PAH: variants seen among roughly 807,000 people sequenced by gnomAD.
The protein encoded by PAH is phenylalanine-4-hydroxylase.
A neutral mutation model predicts 62.0 loss-of-function variants in PAH; 64 were observed. The observed-to-expected ratio is 1.03, with a 90% confidence interval of 0.84 to 1.27. PAH has a LOEUF of 1.27. Ranked by LOEUF, PAH falls within the 50% of genes most tolerant of loss-of-function variation. The pLI is 0.00. For synonymous variants in PAH, 195 were observed against 196.2 expected, an observed-to-expected ratio of 0.99 and a Z score of 0.05; for missense variants, 579 against 542.8, an observed-to-expected ratio of 1.07 and a Z score of -0.66.
intron 1 of PAH, among the ~76,000 whole-genome samples, chr12:102,932,589 A>G (rs1205750490): frequency 6.6e-6 from 1 of 152,188 alleles, no homozygotes; most frequent in Non-Finnish European, 1.5e-5. Flanking sequence ...TGTATTACAT[A>G]TACATATATC....
Position 102,852,742 on chromosome 12 carries a change from A to G in PAH, c.842+73T>C. On this transcript the variant is annotated intron_variant, in intron 7 of 12. Coordinates refer to ENST00000553106, the MANE Select transcript of PAH (RefSeq NM_000277.3). ...TGTGGACCAGCCAGCAATGAACCCA[A>G]ACCTCATTCTTGCAGCAGGAAAAGA... is the stretch of plus-strand genomic sequence containing the variant. The G allele has an allele frequency of 1.9e-6, 3 of 1,594,846 alleles. No homozygotes were observed. The South Asian group carries it at 3.3e-5, about 18-fold the overall frequency.
At chr12:102,888,206 G>T (rs1017761411) in intron 3 of PAH, among the ~76,000 whole-genome samples, 1 of 151,984 alleles carries the variant, frequency 6.6e-6, no homozygotes, top group African/African-American at 2.4e-5. Context: ...CAACCACACT[G>T]GTACCTGGAT....
intron 3 of PAH, among the ~76,000 whole-genome samples, chr12:102,882,356 T>C (rs899165872): frequency 6.6e-6 from 1 of 152,168 alleles, no homozygotes; most frequent in Non-Finnish European, 1.5e-5. Flanking sequence ...GTTTGAATCT[T>C]ATCTCTGCAT....
intron 3 of PAH, among the ~76,000 whole-genome samples, chr12:102,884,040 C>T (rs1222673056): frequency 6.6e-6 from 1 of 152,206 alleles, no homozygotes; most frequent in Non-Finnish European, 1.5e-5. Flanking sequence ...TATAGAAGGA[C>T]AAGTGAGAAA....
Position 102,866,543 on chromosome 12 carries a change from C to A in PAH, c.509+53G>T, listed in dbSNP as rs369727572. On this transcript the variant is annotated intron_variant, in intron 5 of 12. Coordinates refer to ENST00000553106, the MANE Select transcript of PAH (RefSeq NM_000277.3). ...CAACTGGATGAGGGCAAGGGAGAAG[C>A]AGGCTAGGGGTGTGTTTTTCTCTCT... is the stretch of plus-strand genomic sequence containing the variant. 4.9e-4 allele frequency: 673 copies of A among 1,365,892 alleles called. 1 individual carries two copies. The South Asian group carries it at 5.8e-3, about 12-fold the overall frequency. 84.6% of individuals were successfully genotyped at this position (1,365,892 alleles called of 1,614,324 possible).
chr12:102,899,679 G>A (rs1051157512), intron 2 of PAH, among the ~76,000 whole-genome samples: 40 of 150,512 alleles, frequency 2.7e-4, no homozygotes, highest in African/African-American at 9.3e-4. Flanking sequence ...CTAAAACGGT[G>A]AAACCCCGTC....
chr12:102,840,646 C>T, intron 11 of PAH, 131 bp from the exon 12 acceptor site: 1 of 720,732 alleles, frequency 1.4e-6, no homozygotes, highest in Admixed American at 2.0e-5. Flanking sequence ...CTTCAACAGC[C>T]AGGGCTGAGG....
intron 3 of PAH, among the ~76,000 whole-genome samples, chr12:102,883,710 C>T (rs1876915304): frequency 6.6e-6 from 1 of 152,142 alleles, no homozygotes; most frequent in African/African-American, 2.4e-5. Context: ...CACCTGAGTC[C>T]AGGGGCCTTT....
chr12:102,892,542 T>C (rs934943517), intron 3 of PAH, among the ~76,000 whole-genome samples: 1 of 152,214 alleles, frequency 6.6e-6, no homozygotes, highest in African/African-American at 2.4e-5. Context: ...AACCAAGATG[T>C]CCTTCAATAG....
chr12:102,928,648 G>T (rs912786154), intron 1 of PAH, among the ~76,000 whole-genome samples: 1 of 152,222 alleles, frequency 6.6e-6, no homozygotes, highest in East Asian at 1.9e-4. Context: ...AATTTTGGAG[G>T]CACATATTCT....
At chr12:102,871,941 AAAAAAAAAATATAT>A (rs1186082287) in intron 4 of PAH, among the ~76,000 whole-genome samples, 6 of 6,544 alleles carry the variant, frequency 9.2e-4, no homozygotes, top group African/African-American at 1.8e-3. Context: ...AAAAAAAAAA[AAAAAAAAAATATAT>A]ATATATATAT....
chr12:102,902,633 C>G (rs1196390695), intron 2 of PAH, among the ~76,000 whole-genome samples: 1 of 152,152 alleles, frequency 6.6e-6, no homozygotes, highest in Non-Finnish European at 1.5e-5. Context: ...GAAATTAAAC[C>G]CACTGGCATT....
chr12:102,919,065 T>C (rs1878490697), upstream of PAH, among the ~76,000 whole-genome samples: 1 of 152,198 alleles, frequency 6.6e-6, no homozygotes, highest in Admixed American at 6.5e-5. Context: ...CTTCTTCCTC[T>C]TAACAATCCC....
At chr12:102,881,775 C>G (rs947299163) in intron 3 of PAH, among the ~76,000 whole-genome samples, 1 of 152,154 alleles carries the variant, frequency 6.6e-6, no homozygotes, top group Non-Finnish European at 1.5e-5. Context: ...CCATGTTCTC[C>G]CAAATGACAA....
intron 3 of PAH, among the ~76,000 whole-genome samples, chr12:102,889,193 AG>A (rs768900881): frequency 9.2e-5 from 14 of 152,286 alleles, no homozygotes; most frequent in Non-Finnish European, 1.5e-4. Context: ...CCACAATCCC[AG>A]GGGCTTTTCA....
chr12:102,887,365 G>A (rs910240064), intron 3 of PAH, among the ~76,000 whole-genome samples: 2 of 151,928 alleles, frequency 1.3e-5, no homozygotes, highest in Non-Finnish European at 2.9e-5. Context: ...AAAAATATTT[G>A]GAAATGAGAG....
chr12:102,868,064 A>G (rs530769955), intron 4 of PAH, among the ~76,000 whole-genome samples: 1 of 121,148 alleles, frequency 8.3e-6, no homozygotes, highest in Non-Finnish European at 1.6e-5. Context: ...ATATATACAC[A>G]TATATATACA....
chr12:102,862,961 A>T (rs1351142456), intron 5 of PAH, among the ~76,000 whole-genome samples: 2 of 150,708 alleles, frequency 1.3e-5, no homozygotes, highest in Non-Finnish European at 3.0e-5. Flanking sequence ...AAAAAAAATC[A>T]GGTAAGCTCT....
Position 102,838,931 on chromosome 12 carries a change from A to T in PAH, c.*244T>A, listed in dbSNP as rs1874471580. On this transcript the variant is annotated 3_prime_UTR_variant, in exon 13 of 13. Transcript: ENST00000553106. ...AGATTACTGATTTAACTCAATTGAG[A>T]GTATGGGATTATCATCTCTAAATCA... The T allele has an allele frequency of 5.4e-6, 3 of 555,558 alleles. No individual in the cohort carries two copies. The highest frequency in any genetic ancestry group is 6.4e-6 in the Non-Finnish European group (2 of 311,468). The allele number at this position is 555,558 out of a possible 1,614,324, so 34.4% of individuals were successfully genotyped here.
Sources: allele counts gnomAD v4.1 joint callset (sites outside exome capture counted in the v4.1 genomes callset), GRCh38; gene constraint gnomAD v4.1.1; transcripts MANE v1.5; gene names NCBI Gene and HGNC (gene_info 2026-07-23, HGNC 2026-07-21).